Variants in DLGAP2 observed in about 807,000 individuals in gnomAD.
The protein encoded by DLGAP2 is DLG associated protein 2, also known as disks large-associated protein 2.
A neutral mutation model predicts 100.3 loss-of-function variants in DLGAP2; 26 were observed. The observed-to-expected ratio is 0.26, with a 90% CI of 0.19 to 0.36. The LOEUF is 0.36. Ranked by LOEUF, DLGAP2 falls within the 10% of genes least tolerant of loss-of-function variation. DLGAP2 has a pLI of 1.00. For missense variants in DLGAP2, 1,858 were observed against 1,453.2 expected, an observed-to-expected ratio of 1.28 and a Z score of -4.53; for synonymous variants, 886 against 630.1, an observed-to-expected ratio of 1.41 and a Z score of -6.08.
rs554623184 is a variant in DLGAP2, at chr8:1,257,424, C to T, written c.74-1427C>T. On this transcript the variant is annotated intron_variant, in intron 2 of 14. Transcript: ENST00000637795. ...TGAACGCCCTCCGCTCACCTCTCTG[C>T]CTGCCCCTCCACCCCCCCGCCCCAT... Among the ~76,000 whole-genome samples the T allele has an allele frequency of 2.1e-4, 32 of 152,276 alleles. No homozygotes were observed. The East Asian group carries it at 6.0e-3, about 29-fold the overall frequency.
At chr8:1,273,334 G>C (rs1162826341) in intron 3 of DLGAP2, among the ~76,000 whole-genome samples, 1 of 152,166 alleles carries the variant, frequency 6.6e-6, no homozygotes, top group Non-Finnish European at 1.5e-5. Flanking sequence ...TTGAGTCCCT[G>C]TTGCCAGCTG....
intron 2 of DLGAP2, among the ~76,000 whole-genome samples, chr8:1,044,107 C>T (rs569046467): frequency 2.0e-5 from 3 of 152,114 alleles, no homozygotes; most frequent in Non-Finnish European, 2.9e-5. Flanking sequence ...ATGTGAAGCT[C>T]AGGATGGTGA....
rs1159906851 is a variant in DLGAP2 at position 1,419,201 on chromosome 8, C to CGTGT, written c.107-82162_107-82161insTGTG. 7.7e-3 allele frequency among the ~76,000 whole-genome samples: 1,031 copies of CGTGT among 133,432 alleles called. 28 individuals carry two copies. The highest frequency in any genetic ancestry group is 0.03 in the African/African-American group (970 of 32,082). 87.5% of individuals were successfully genotyped at this position (133,432 alleles called of 152,430 possible). ...TGGGATACTGTGTTACACTCTGATG[C>CGTGT]GTGCGTGTGTGTGTGTGTGTGTGTG... On this transcript the variant is annotated intron_variant, in intron 3 of 14. Transcript: ENST00000637795.
intron 6 of DLGAP2, among the ~76,000 whole-genome samples, chr8:1,624,464 C>T (rs1337443084): frequency 6.6e-6 from 1 of 151,932 alleles, no homozygotes; most frequent in Non-Finnish European, 1.5e-5. Flanking sequence ...CACGTGGACA[C>T]ATTCAAAGGA....
chr8:1,676,649 C>T (rs1373829612), intron 11 of DLGAP2, 31 bp downstream of exon 11: 3 of 1,590,832 alleles, frequency 1.9e-6, no homozygotes, highest in South Asian at 2.3e-5. Context: ...ACGCGGTGAC[C>T]CCCGAGCGAG....
At chr8:1,465,895 A>G (rs1284535187) in intron 3 of DLGAP2, among the ~76,000 whole-genome samples, 2 of 152,144 alleles carry the variant, frequency 1.3e-5, no homozygotes, top group African/African-American at 4.8e-5. Flanking sequence ...GAATGTCTTT[A>G]TGGCCAACGC....
intron 2 of DLGAP2, among the ~76,000 whole-genome samples, chr8:1,253,330 G>A (rs1026236840): frequency 2.0e-5 from 3 of 152,086 alleles, no homozygotes; most frequent in Non-Finnish European, 2.9e-5. Context: ...TTTATCTCCC[G>A]GCTCCATCGG....
intron 2 of DLGAP2, among the ~76,000 whole-genome samples, chr8:1,204,789 C>T (rs1238871422): frequency 6.6e-6 from 1 of 152,118 alleles, no homozygotes; most frequent in Non-Finnish European, 1.5e-5. Flanking sequence ...ATAAGAGGTT[C>T]TTAGGGGCAG....
intron 3 of DLGAP2, chr8:1,369,088 C>A (rs1802178216): frequency 6.6e-6 from 1 of 152,156 alleles, no homozygotes; most frequent in Admixed American, 6.6e-5. Context: ...TACAGCACAG[C>A]AGAGAATGCA....
At position 1,177,348 on chromosome 8, in the gene DLGAP2, G is replaced by C. The variant is rs565122534; in HGVS notation, c.74-81503G>C. Among the ~76,000 whole-genome samples, 102 of 152,228 alleles carry C rather than the reference G, an allele frequency of 6.7e-4. 1 individual carries two copies. The highest frequency in any genetic ancestry group is 1.2e-3 in the Admixed American group (18 of 15,298). ...GAGGCATTATATCATAAGCCTGGCT[G>C]TTTTATCAGGTTTACCAGATCGAAA... On this transcript the variant is annotated intron_variant, in intron 2 of 14. Transcript: ENST00000637795.
intron 2 of DLGAP2, among the ~76,000 whole-genome samples, chr8:1,234,753 G>A (rs985811450): frequency 2.0e-5 from 3 of 152,184 alleles, no homozygotes; most frequent in Non-Finnish European, 1.5e-5. Flanking sequence ...ACTCATAGGT[G>A]GTTAGGATCA....
chr8:1,084,576 T>G (rs1803913442), intron 2 of DLGAP2, among the ~76,000 whole-genome samples: 1 of 152,220 alleles, frequency 6.6e-6, no homozygotes, highest in Non-Finnish European at 1.5e-5. Flanking sequence ...TCCTCACTGC[T>G]TCTGTGCTTT....
At chr8:1,340,652 A>G (rs1801396696) in intron 3 of DLGAP2, among the ~76,000 whole-genome samples, 1 of 152,238 alleles carries the variant, frequency 6.6e-6, no homozygotes. Flanking sequence ...TAATTCAGCC[A>G]CTGTGGAAGA....
intron 3 of DLGAP2, among the ~76,000 whole-genome samples, chr8:1,380,803 A>G (rs1489603376): frequency 1.3e-5 from 2 of 151,994 alleles, no homozygotes; most frequent in Non-Finnish European, 2.9e-5. Flanking sequence ...TGAACTCACA[A>G]TACCTTATCT....
chr8:892,161 C>T (rs143428851), intron 1 of DLGAP2, among the ~76,000 whole-genome samples: 107 of 152,240 alleles, frequency 7.0e-4, no homozygotes, highest in African/African-American at 2.0e-3. Flanking sequence ...ATCAAAAACT[C>T]GAGACGGAAC....
chr8:1,487,458 T>G (rs978442089), intron 3 of DLGAP2, among the ~76,000 whole-genome samples: 2 of 152,246 alleles, frequency 1.3e-5, no homozygotes, highest in Non-Finnish European at 2.9e-5. Flanking sequence ...TTCTGGTATA[T>G]AGATTTATGT....
chr8:1,262,593 T>C (rs777687328), intron 3 of DLGAP2: 1 of 152,200 alleles, frequency 6.6e-6, no homozygotes, highest in Non-Finnish European at 1.5e-5. Flanking sequence ...TCAGTTGTCA[T>C]AATAATTTGC....
chr8:1,283,314 G>A (rs1047155399), intron 3 of DLGAP2, among the ~76,000 whole-genome samples: 1 of 152,180 alleles, frequency 6.6e-6, no homozygotes, highest in African/African-American at 2.4e-5. Context: ...GAACCATCCA[G>A]ACGTGGTGTG....
At chr8:1,562,678 C>T (rs1157711424) in intron 5 of DLGAP2, among the ~76,000 whole-genome samples, 5 of 43,146 alleles carry the variant, frequency 1.2e-4, no homozygotes, top group African/African-American at 3.6e-4. Context: ...TTGGGGTGTC[C>T]GCGCCTCATT....
Sources: allele counts gnomAD v4.1 joint callset (sites outside exome capture counted in the v4.1 genomes callset), GRCh38; gene constraint gnomAD v4.1.1; transcripts MANE v1.5; gene names NCBI Gene and HGNC (gene_info 2026-07-23, HGNC 2026-07-21).